The following PRKG1 variants were observed in gnomAD, a reference collection of about 807,000 sequenced individuals.
The protein encoded by PRKG1 is cGMP-dependent protein kinase 1.
Under a neutral mutation model 88.1 loss-of-function variants are expected in PRKG1, and 35 were observed. The ratio of observed to expected loss-of-function variants is 0.40; its 90% CI spans 0.30 to 0.53. The LOEUF is 0.53. PRKG1 is among the 20% of genes least tolerant of loss of function. The pLI is 0.59. For synonymous variants in PRKG1, 303 were observed against 292.5 expected (o/e 1.04, Z -0.37); for missense variants, 540 against 839.8 (o/e 0.64, Z 4.41).
chr10:51,341,076 A>G (rs1341891017), intron 2 of PRKG1, among the ~76,000 whole-genome samples: 1 of 152,158 alleles, frequency 6.6e-6, no homozygotes, highest in Non-Finnish European at 1.5e-5. Flanking sequence ...AAATATCCAT[A>G]TTTTATCATC....
At chr10:51,625,609 A>G (rs537853515) in intron 3 of PRKG1, among the ~76,000 whole-genome samples, 1 of 152,260 alleles carries the variant, frequency 6.6e-6, no homozygotes, top group African/African-American at 2.4e-5. Flanking sequence ...CCAAAACTGG[A>G]TTTTGTAATG....
chr10:51,965,447 A>G (rs1589463273), intron 5 of PRKG1, among the ~76,000 whole-genome samples: 1 of 152,200 alleles, frequency 6.6e-6, no homozygotes, highest in African/African-American at 2.4e-5. Flanking sequence ...AATTGTATGT[A>G]AGATTTAATT....
chr10:51,697,997 A>G (rs751510947), intron 3 of PRKG1: 2 of 1,612,526 alleles, frequency 1.2e-6, no homozygotes, highest in Non-Finnish European at 1.7e-6. Context: ...TGCTCCCTGC[A>G]TGCCTGTTCC....
intron 3 of PRKG1, among the ~76,000 whole-genome samples, chr10:51,775,148 A>T (rs1166009818): frequency 1.3e-5 from 2 of 152,140 alleles, no homozygotes; most frequent in East Asian, 3.9e-4. Context: ...TTATAGAGCT[A>T]CTTGCAGGGG....
At chr10:51,813,877 T>A (rs532703928) in intron 4 of PRKG1, among the ~76,000 whole-genome samples, 20 of 152,204 alleles carry the variant, frequency 1.3e-4, no homozygotes, top group Non-Finnish European at 2.4e-4. Context: ...CTCTAGAATA[T>A]GTTCTCAAAA....
intron 1 of PRKG1, among the ~76,000 whole-genome samples, chr10:51,112,101 C>A (rs1589160869): frequency 6.6e-6 from 1 of 152,154 alleles, no homozygotes; most frequent in East Asian, 1.9e-4. Context: ...CAGTAAAGAA[C>A]TTTTCCTCCT....
chr10:52,079,840 A>C (rs1345167930), intron 7 of PRKG1, among the ~76,000 whole-genome samples: 1 of 152,188 alleles, frequency 6.6e-6, no homozygotes. Flanking sequence ...TCAAGGTAGG[A>C]GGATACTTTT....
intron 1 of PRKG1, among the ~76,000 whole-genome samples, chr10:50,992,723 A>C (rs1003652067): frequency 6.6e-6 from 1 of 152,098 alleles, no homozygotes; most frequent in Non-Finnish European, 1.5e-5. Context: ...CGTCGCCTTC[A>C]CCGGAGAAGG....
At chr10:51,927,080 C>T (rs1344138352) in intron 5 of PRKG1, among the ~76,000 whole-genome samples, 1 of 151,868 alleles carries the variant, frequency 6.6e-6, no homozygotes, top group African/African-American at 2.4e-5. Flanking sequence ...CTAGAAGCCA[C>T]CTGAGAATTA....
intron 2 of PRKG1, among the ~76,000 whole-genome samples, chr10:51,164,159 G>C (rs542551969): frequency 2.0e-5 from 3 of 152,208 alleles, no homozygotes; most frequent in South Asian, 2.1e-4. Context: ...AGTAGGGGCA[G>C]ACTGACACCT....
intron 4 of PRKG1, among the ~76,000 whole-genome samples, chr10:51,883,237 T>C (rs1312353178): frequency 6.6e-6 from 1 of 152,234 alleles, no homozygotes; most frequent in East Asian, 1.9e-4. Flanking sequence ...ACTTGGACTC[T>C]AGCTGAATTA....
At chr10:51,546,738 A>T (rs1417069866) in intron 3 of PRKG1, among the ~76,000 whole-genome samples, 1 of 152,046 alleles carries the variant, frequency 6.6e-6, no homozygotes, top group South Asian at 2.1e-4. Context: ...CAGAAATCTC[A>T]TCCTACTTAT....
chr10:52,073,636 G>A (rs1255826226), intron 7 of PRKG1, among the ~76,000 whole-genome samples: 3 of 152,146 alleles, frequency 2.0e-5, no homozygotes. Context: ...TGAGATATTA[G>A]AACCTGGAAG....
intron 8 of PRKG1, among the ~76,000 whole-genome samples, chr10:52,145,089 A>G (rs1837695223): frequency 6.6e-6 from 1 of 152,206 alleles, no homozygotes; most frequent in Admixed American, 6.5e-5. Flanking sequence ...GTCCATTGGC[A>G]GTTAGAAATG....
At chr10:51,322,660 T>C (rs188172554) in intron 2 of PRKG1, among the ~76,000 whole-genome samples, 1 of 152,316 alleles carries the variant, frequency 6.6e-6, no homozygotes, top group East Asian at 1.9e-4. Context: ...TTTAATAGAA[T>C]ATAGTATTTT....
rs567928491 is a variant in PRKG1, at chr10:51,484,510, C to G, written c.592+16674C>G. ...AAGGCTGGTCTCAAACTCCTAGGCT[C>G]AAGCGATCCACTTGCCTCGGCCTCC... On this transcript the variant is annotated intron_variant, in intron 3 of 17. Transcript: ENST00000373980. 8.5e-5 allele frequency among the ~76,000 whole-genome samples: 13 copies of G among 152,238 alleles called. No homozygotes were observed. The East Asian group carries it at 2.1e-3, about 25-fold the overall frequency.
At chr10:51,747,139 A>C (rs1837602424) in intron 3 of PRKG1, among the ~76,000 whole-genome samples, 1 of 152,164 alleles carries the variant, frequency 6.6e-6, no homozygotes, top group South Asian at 2.1e-4. Context: ...GGAAAGAATA[A>C]ATTATTTTGC....
chr10:51,189,320 A>G (rs905689409), intron 2 of PRKG1, among the ~76,000 whole-genome samples: 2 of 151,978 alleles, frequency 1.3e-5, no homozygotes, highest in Non-Finnish European at 2.9e-5. Context: ...AAACAAACAG[A>G]AACATATGTT....
intron 2 of PRKG1, among the ~76,000 whole-genome samples, chr10:51,299,343 T>C (rs1034241880): frequency 6.6e-6 from 1 of 152,164 alleles, no homozygotes; most frequent in Middle Eastern, 3.4e-3. Context: ...ATAGGTAGGA[T>C]TACAGGCATC....
Sources: allele counts gnomAD v4.1 joint callset (sites outside exome capture counted in the v4.1 genomes callset), GRCh38; gene constraint gnomAD v4.1.1; transcripts MANE v1.5; gene names NCBI Gene and HGNC (gene_info 2026-07-23, HGNC 2026-07-21).